ASIC2: variants seen among roughly 807,000 people sequenced by gnomAD.
ASIC2 encodes acid sensing ion channel subunit 2.
A neutral mutation model predicts 57.3 loss-of-function variants in ASIC2; 25 were observed. The observed-to-expected ratio is 0.44, with a 90% CI of 0.32 to 0.61. The LOEUF (loss-of-function observed/expected upper bound fraction) is 0.61, where lower values mean the gene tolerates loss of function less well. ASIC2 is among the 20% of genes least tolerant of loss of function. The pLI, the probability that ASIC2 is intolerant of heterozygous loss-of-function variation, is 0.06. For synonymous variants in ASIC2, 319 were observed against 307.5 expected, an observed-to-expected ratio of 1.04 and a Z score of -0.39; for missense variants, 641 against 738.1, an observed-to-expected ratio of 0.87 and a Z score of 1.52.
chr17:33,512,736 C>A (rs1478484639), intron 1 of ASIC2, among the ~76,000 whole-genome samples: 4 of 152,220 alleles, frequency 2.6e-5, no homozygotes, highest in Admixed American at 2.6e-4. Flanking sequence ...CCCATGCCAA[C>A]CTCTTATGGT....
chr17:34,003,306 T>C (rs1242557796), intron 1 of ASIC2: 1 of 152,160 alleles, frequency 6.6e-6, no homozygotes, highest in African/African-American at 2.4e-5. Flanking sequence ...ATAAGACAGA[T>C]TTCACAGGAT....
chr17:34,072,913 G>A (rs369799695), intron 1 of ASIC2, among the ~76,000 whole-genome samples: 188 of 152,202 alleles, frequency 1.2e-3, no homozygotes, highest in African/African-American at 3.9e-3. Flanking sequence ...TTAACTGTGC[G>A]TGCCCTGGTA....
At chr17:33,660,520 CTT>C (rs1907224515) in intron 1 of ASIC2, among the ~76,000 whole-genome samples, 1 of 151,878 alleles carries the variant, frequency 6.6e-6, no homozygotes, top group African/African-American at 2.4e-5. Context: ...AATTAACTTT[CTT>C]TTTTAATAAG....
intron 2 of ASIC2, among the ~76,000 whole-genome samples, chr17:33,094,835 A>C (rs1316601474): frequency 6.6e-6 from 1 of 152,198 alleles, no homozygotes; most frequent in Non-Finnish European, 1.5e-5. Flanking sequence ...CAGACAAGTG[A>C]GTCGGACTTT....
intron 1 of ASIC2, among the ~76,000 whole-genome samples, chr17:33,347,796 A>G (rs1287495884): frequency 6.6e-6 from 1 of 152,178 alleles, no homozygotes; most frequent in Non-Finnish European, 1.5e-5. Flanking sequence ...TAGCGGAGGC[A>G]GGGTGGGTAA....
intron 1 of ASIC2, among the ~76,000 whole-genome samples, chr17:33,754,416 T>C (rs1910526096): frequency 6.6e-6 from 1 of 152,014 alleles, no homozygotes; most frequent in Non-Finnish European, 1.5e-5. Flanking sequence ...TAAGGCCTCC[T>C]AGCTCTAAGC....
intron 1 of ASIC2, among the ~76,000 whole-genome samples, chr17:33,446,909 A>C (rs942712985): frequency 1.3e-5 from 2 of 152,200 alleles, no homozygotes; most frequent in African/African-American, 4.8e-5. Flanking sequence ...TGTAAGATGA[A>C]ACAATAATTA....
rs148415358 is a variant in ASIC2, at chr17:34,123,100, A to G, written c.555+32878T>C. 6.7e-4 allele frequency among the ~76,000 whole-genome samples: 102 copies of G among 152,304 alleles called. 1 individual carries two copies. Among genetic ancestry groups the G allele is most frequent in the African/African-American group, 2.4e-3 (100 of 41,564 alleles). On this transcript the variant is annotated intron_variant, in intron 1 of 9. Coordinates refer to the ASIC2 transcript ENST00000359872. ...CAATTGCTCCAAGTTGTCGGAAGAC[A>G]AGTCTTGCCCAGCCTATGAGAAGAA...
chr17:33,294,083 C>A (rs752383060), upstream of ASIC2, among the ~76,000 whole-genome samples: 6 of 152,166 alleles, frequency 3.9e-5, no homozygotes, highest in Non-Finnish European at 7.4e-5. Flanking sequence ...CTGGCCCAGT[C>A]TGCCAAGCAC....
intron 1 of ASIC2, among the ~76,000 whole-genome samples, chr17:33,160,712 T>C (rs1237871900): frequency 1.3e-5 from 2 of 152,086 alleles, no homozygotes; most frequent in Non-Finnish European, 2.9e-5. Context: ...GCCTGGTTGA[T>C]GGGAAGATGG....
chr17:33,839,083 C>T (rs1165977894), intron 1 of ASIC2, among the ~76,000 whole-genome samples: 1 of 152,198 alleles, frequency 6.6e-6, no homozygotes, highest in Non-Finnish European at 1.5e-5. Context: ...GTATAAGTTC[C>T]TTGAAAGAGC....
At chr17:33,931,116 C>T (rs556934528) in intron 1 of ASIC2, 2 of 152,184 alleles carry the variant, frequency 1.3e-5, no homozygotes, top group East Asian at 1.9e-4. Flanking sequence ...GAAAAGAACC[C>T]CTCAGAAACC....
chr17:33,854,846 T>G (rs1913874252), intron 1 of ASIC2, among the ~76,000 whole-genome samples: 1 of 151,964 alleles, frequency 6.6e-6, no homozygotes, highest in East Asian at 1.9e-4. Context: ...CTGTGGGTGG[T>G]GTGTGTTAGC....
At chr17:34,108,959 T>C (rs1230591137) in intron 1 of ASIC2, among the ~76,000 whole-genome samples, 1 of 152,068 alleles carries the variant, frequency 6.6e-6, no homozygotes, top group African/African-American at 2.4e-5. Flanking sequence ...TTATGGTTAG[T>C]GGTGTTTGCA....
At chr17:33,898,214 T>G (rs1915145490) in intron 1 of ASIC2, among the ~76,000 whole-genome samples, 1 of 138,646 alleles carries the variant, frequency 7.2e-6, no homozygotes, top group Non-Finnish European at 1.5e-5. Context: ...AGAGTTCATG[T>G]ATAATCTTTT....
At chr17:33,679,856 G>A (rs1332374198) in intron 1 of ASIC2, among the ~76,000 whole-genome samples, 1 of 152,192 alleles carries the variant, frequency 6.6e-6, no homozygotes, top group Non-Finnish European at 1.5e-5. Flanking sequence ...GTGATTCATG[G>A]AGAGAGGCCC....
In ASIC2 at chr17:33,376,241, A is replaced by C. The variant is rs145937807; in HGVS notation, c.556-264174T>G. ...AAAAAGACAGTCAAAAAAGAATACAAATACAATAAAGAGTCAGGAAAGAAA... is the reference window on the plus strand; with the variant it reads ...AAAAAGACAGTCAAAAAAGAATACACATACAATAAAGAGTCAGGAAAGAAA... On this transcript the variant is annotated intron_variant, in intron 1 of 9. Transcript: ENST00000359872. 3.9e-3 allele frequency among the ~76,000 whole-genome samples: 594 copies of C among 152,282 alleles called. 2 individuals are homozygous for C. Among genetic ancestry groups the C allele is most frequent in the African/African-American group, 0.014 (570 of 41,560 alleles).
At chr17:34,150,757 G>A (rs1437756322) in intron 1 of ASIC2, among the ~76,000 whole-genome samples, 1 of 152,274 alleles carries the variant, frequency 6.6e-6, no homozygotes, top group South Asian at 2.1e-4. Flanking sequence ...AGGCTACAGT[G>A]ATGGTAAAGC....
intron 1 of ASIC2, among the ~76,000 whole-genome samples, chr17:33,465,613 A>T (rs2141915818): frequency 6.6e-6 from 1 of 152,196 alleles, no homozygotes; most frequent in East Asian, 1.9e-4. Flanking sequence ...ACCTCGGGTG[A>T]TCCACCCACC....
Sources: allele counts gnomAD v4.1 joint callset (sites outside exome capture counted in the v4.1 genomes callset), GRCh38; gene constraint gnomAD v4.1.1; transcripts MANE v1.5; gene names NCBI Gene and HGNC (gene_info 2026-07-23, HGNC 2026-07-21).